The following ESRRG variants were observed in gnomAD, a reference collection of about 807,000 sequenced individuals.
ESRRG encodes the protein estrogen-related receptor gamma.
ESRRG carries 13 observed loss-of-function variants against 44.0 expected under a neutral mutation model. The ratio of observed to expected loss-of-function variants is 0.30; its 90% CI spans 0.19 to 0.47. The LOEUF (loss-of-function observed/expected upper bound fraction) is 0.47. ESRRG is among the 20% of genes least tolerant of loss of function. ESRRG has a pLI of 1.00. For synonymous variants in ESRRG, 215 were observed against 214.6 expected (o/e 1.00, Z -0.02); for missense variants, 395 against 580.6 (o/e 0.68, Z 3.29).
At chr1:216,606,095 T>C (rs2059899705) in intron 3 of ESRRG, among the ~76,000 whole-genome samples, 1 of 152,172 alleles carries the variant, frequency 6.6e-6, no homozygotes, top group Admixed American at 6.5e-5. Context: ...GTCAGAGCTG[T>C]AACAGCAAAG....
At chr1:217,113,968 T>C (rs1159579996) in intron 1 of ESRRG, among the ~76,000 whole-genome samples, 1 of 151,578 alleles carries the variant, frequency 6.6e-6, no homozygotes, top group African/African-American at 2.4e-5. Context: ...GCAAACACTC[T>C]AGCCTGGGAA....
chr1:216,741,584 C>T (rs1354520601), intron 2 of ESRRG, among the ~76,000 whole-genome samples: 2 of 152,062 alleles, frequency 1.3e-5, no homozygotes, highest in Non-Finnish European at 2.9e-5. Context: ...GATTTTACTT[C>T]TCTTATTAAA....
rs539770259 is a variant in ESRRG, at chr1:217,039,649, A to T, written c.-106+49858T>A. On this transcript the variant is annotated intron_variant, in intron 1 of 7. Coordinates refer to the ESRRG transcript ENST00000359162. ...ATGTGGGAACCATGGGAGCCACAAGATAAGATTTGGGTGAGTACGCAGGGC... is the reference window on the plus strand; with the variant it reads ...ATGTGGGAACCATGGGAGCCACAAGTTAAGATTTGGGTGAGTACGCAGGGC... Among the ~76,000 whole-genome samples the T allele has an allele frequency of 1.4e-4, 22 of 152,314 alleles. 1 individual carries two copies. In the South Asian group the frequency reaches 3.9e-3, roughly 27 times the overall value.
At chr1:216,921,376 T>C (rs1449690307) in intron 2 of ESRRG, among the ~76,000 whole-genome samples, 2 of 152,162 alleles carry the variant, frequency 1.3e-5, no homozygotes, top group African/African-American at 4.8e-5. Flanking sequence ...AGGTTTGAAA[T>C]GTAAGAGATA....
At chr1:216,774,064 G>A (rs529465046) in intron 2 of ESRRG, among the ~76,000 whole-genome samples, 7 of 152,012 alleles carry the variant, frequency 4.6e-5, no homozygotes, top group Admixed American at 6.6e-5. Flanking sequence ...AGATGAATGC[G>A]TTCACAGCCA....
intron 1 of ESRRG, among the ~76,000 whole-genome samples, chr1:217,132,105 C>T (rs1021611708): frequency 1.3e-5 from 2 of 152,156 alleles, no homozygotes; most frequent in African/African-American, 4.8e-5. Flanking sequence ...AGGAATTGTT[C>T]CAACTTTTAG....
At chr1:217,064,060 T>C (rs964722712) in intron 1 of ESRRG, among the ~76,000 whole-genome samples, 6 of 145,738 alleles carry the variant, frequency 4.1e-5, no homozygotes, top group Non-Finnish European at 1.6e-5. Flanking sequence ...ACACACCCTA[T>C]ATACATATAT....
chr1:217,007,842 G>T (rs1262875173), intron 1 of ESRRG, among the ~76,000 whole-genome samples: 6 of 151,054 alleles, frequency 4.0e-5, no homozygotes, highest in Non-Finnish European at 8.8e-5. Context: ...GGCAAATAAG[G>T]GGGGAAAAAT....
intron 1 of ESRRG, among the ~76,000 whole-genome samples, chr1:216,686,438 C>T (rs901868982): frequency 8.0e-5 from 2 of 25,098 alleles, no homozygotes; most frequent in Admixed American, 5.5e-4. Context: ...GTATTGTTAA[C>T]CAAAAAAAAA....
At chr1:216,751,189 G>T (rs2091973680) in intron 2 of ESRRG, among the ~76,000 whole-genome samples, 1 of 152,140 alleles carries the variant, frequency 6.6e-6, no homozygotes, top group Non-Finnish European at 1.5e-5. Flanking sequence ...AGAAAATGGG[G>T]CAGTGTATGT....
chr1:217,039,499 T>C (rs954401535), intron 1 of ESRRG, among the ~76,000 whole-genome samples: 7 of 152,152 alleles, frequency 4.6e-5, no homozygotes, highest in Admixed American at 3.3e-4. Context: ...AGAAAGAGCT[T>C]GTGCAGAGAA....
In ESRRG at chr1:216,814,984, T is replaced by C. The variant is rs568196517; in HGVS notation, c.-14+124598A>G. Among the ~76,000 whole-genome samples, 143 of 152,326 alleles carry C rather than the reference T, an allele frequency of 9.4e-4. 1 individual carries two copies. Among genetic ancestry groups the C allele is most frequent in the Non-Finnish European group, 1.8e-3 (121 of 68,022 alleles). ...AGTTAATCTCTATGAGGTTATTTCT[T>C]ACCATTATTTTCTTAAATCCTCCCC... On this transcript the variant is annotated intron_variant, in intron 2 of 7. Coordinates refer to the ESRRG transcript ENST00000359162.
chr1:216,538,413 T>C (rs1272600856), intron 5 of ESRRG, among the ~76,000 whole-genome samples: 2 of 152,002 alleles, frequency 1.3e-5, no homozygotes, highest in African/African-American at 2.4e-5. Context: ...CTTAAGAGCA[T>C]GGCCCCTAGA....
chr1:216,781,600 A>G (rs2093938741), intron 2 of ESRRG, among the ~76,000 whole-genome samples: 2 of 152,046 alleles, frequency 1.3e-5, no homozygotes, highest in Admixed American at 6.6e-5. Flanking sequence ...TGGACTAATT[A>G]GAGCAAGTCA....
At chr1:216,860,856 T>C (rs1023452117) in intron 2 of ESRRG, among the ~76,000 whole-genome samples, 1 of 152,152 alleles carries the variant, frequency 6.6e-6, no homozygotes. Context: ...TTATTATTAG[T>C]ACATCTCTTT....
chr1:216,825,447 C>T (rs1297923466), intron 2 of ESRRG, among the ~76,000 whole-genome samples: 3 of 152,060 alleles, frequency 2.0e-5, no homozygotes, highest in Non-Finnish European at 2.9e-5. Flanking sequence ...AGGAGGTTTG[C>T]AAATGCAATA....
At chr1:216,821,074 T>TA (rs1184841847) in intron 2 of ESRRG, among the ~76,000 whole-genome samples, 1 of 152,016 alleles carries the variant, frequency 6.6e-6, no homozygotes, top group African/African-American at 2.4e-5. Flanking sequence ...TTAATGTATT[T>TA]AAAAAAAACA....
chr1:216,675,832 T>C (rs941026689), intron 2 of ESRRG, among the ~76,000 whole-genome samples: 2 of 152,216 alleles, frequency 1.3e-5, no homozygotes, highest in African/African-American at 4.8e-5. Flanking sequence ...GTGCAGTGTT[T>C]CTTAACTTTG....
intron 2 of ESRRG, among the ~76,000 whole-genome samples, chr1:216,901,888 G>A (rs1436592361): frequency 6.6e-6 from 1 of 151,960 alleles, no homozygotes; most frequent in Non-Finnish European, 1.5e-5. Context: ...AAGCATCTGG[G>A]ACTCCAGGTA....
Sources: allele counts gnomAD v4.1 joint callset (sites outside exome capture counted in the v4.1 genomes callset), GRCh38; gene constraint gnomAD v4.1.1; transcripts MANE v1.5; gene names NCBI Gene and HGNC (gene_info 2026-07-23, HGNC 2026-07-21).